ST7: variants seen among roughly 807,000 people sequenced by gnomAD.
The protein encoded by ST7 is suppressor of tumorigenicity 7 protein.
A neutral mutation model predicts 78.7 loss-of-function variants in ST7; 28 were observed. That is an observed-to-expected ratio of 0.36 (90% CI 0.26 to 0.49). ST7 has a LOEUF of 0.49. Among genes scored for constraint, ST7 ranks in the 20% least tolerant of loss-of-function variants. ST7 has a pLI of 0.99. For synonymous variants in ST7, 247 were observed against 249.6 expected, an observed-to-expected ratio of 0.99 and a Z score of 0.10; for missense variants, 418 against 696.0, an observed-to-expected ratio of 0.60 and a Z score of 4.49.
chr7:116,982,134 C>T (rs777262304), intron 1 of ST7, among the ~76,000 whole-genome samples: 4 of 152,222 alleles, frequency 2.6e-5, no homozygotes, highest in Non-Finnish European at 5.9e-5. Context: ...CTGTCATTGA[C>T]AGATATGTTG....
At chr7:117,188,728 C>A (rs1033241381) in intron 10 of ST7, among the ~76,000 whole-genome samples, 2 of 151,448 alleles carry the variant, frequency 1.3e-5, no homozygotes, top group Non-Finnish European at 1.5e-5. Flanking sequence ...CATACATATA[C>A]CCTTTAAAAG....
chr7:117,208,530 TCTC>T (rs905312194), intron 12 of ST7, among the ~76,000 whole-genome samples: 2 of 152,066 alleles, frequency 1.3e-5, no homozygotes, highest in African/African-American at 4.8e-5. Context: ...CTGCATGTGT[TCTC>T]CTGGCTCCTG....
intron 2 of ST7, among the ~76,000 whole-genome samples, chr7:117,113,605 C>T (rs1802614035): frequency 6.6e-6 from 1 of 152,086 alleles, no homozygotes; most frequent in East Asian, 1.9e-4. Flanking sequence ...TGTCTTCTTC[C>T]TCTTTAGAAT....
At chr7:117,144,918 G>T (rs1805630269) in intron 9 of ST7, among the ~76,000 whole-genome samples, 1 of 152,020 alleles carries the variant, frequency 6.6e-6, no homozygotes, top group Non-Finnish European at 1.5e-5. Context: ...GTAGAAAATG[G>T]CCAGGTATGG....
intron 1 of ST7, among the ~76,000 whole-genome samples, chr7:116,987,290 G>A (rs889199795): frequency 2.6e-5 from 4 of 152,128 alleles, no homozygotes; most frequent in African/African-American, 4.8e-5. Flanking sequence ...ACTGGGTTCT[G>A]GGTGAGTCCC....
intron 1 of ST7, among the ~76,000 whole-genome samples, chr7:117,004,339 T>G (rs1795069579): frequency 6.6e-6 from 1 of 152,216 alleles, no homozygotes; most frequent in South Asian, 2.1e-4. Flanking sequence ...CATTTCATCA[T>G]GGGTAAGTCT....
At chr7:117,103,928 A>G (rs1436195517) in intron 2 of ST7, among the ~76,000 whole-genome samples, 3 of 152,238 alleles carry the variant, frequency 2.0e-5, no homozygotes, top group African/African-American at 7.2e-5. Flanking sequence ...AAAATGGGCA[A>G]AGATCTGAAT....
At chr7:117,200,834 TAA>T (rs1196054887) in intron 12 of ST7, among the ~76,000 whole-genome samples, 374 of 144,440 alleles carry the variant, frequency 2.6e-3, no homozygotes, top group African/African-American at 9.0e-3. Flanking sequence ...TTTTTTTTTT[TAA>T]AAAAAAAAGA....
intron 1 of ST7, among the ~76,000 whole-genome samples, chr7:117,075,675 T>C (rs1799290545): frequency 6.6e-6 from 1 of 152,182 alleles, no homozygotes; most frequent in Non-Finnish European, 1.5e-5. Context: ...CATCCTGTCA[T>C]CTCCCTGCCT....
At chr7:117,030,286 A>G (rs1211137308) in intron 1 of ST7, among the ~76,000 whole-genome samples, 2 of 152,242 alleles carry the variant, frequency 1.3e-5, no homozygotes, top group Non-Finnish European at 2.9e-5. Flanking sequence ...TATATTACCC[A>G]CTGAATATAT....
At chr7:117,006,482 A>G (rs1795162727) in intron 1 of ST7, among the ~76,000 whole-genome samples, 1 of 152,190 alleles carries the variant, frequency 6.6e-6, no homozygotes, top group African/African-American at 2.4e-5. Flanking sequence ...CCTTCTTTAT[A>G]TTTTTATGTC....
At chr7:117,054,134 G>A (rs1363710963) in intron 1 of ST7, among the ~76,000 whole-genome samples, 5 of 152,128 alleles carry the variant, frequency 3.3e-5, no homozygotes, top group East Asian at 3.9e-4. Flanking sequence ...CACCGTGCCC[G>A]CCGGTCTAGA....
chr7:117,127,237 A>G (rs1448268231), intron 3 of ST7, among the ~76,000 whole-genome samples: 1 of 151,934 alleles, frequency 6.6e-6, no homozygotes, highest in Non-Finnish European at 1.5e-5. Context: ...CTTACCCTCT[A>G]GAGATCTAAG....
intron 1 of ST7, among the ~76,000 whole-genome samples, chr7:116,955,971 TAAAG>T (rs1242624839): frequency 2.6e-5 from 4 of 152,046 alleles, no homozygotes; most frequent in Admixed American, 1.3e-4. Flanking sequence ...ATTTCAGTCA[TAAAG>T]AAAGATAAAA....
At chr7:117,063,506 C>G (rs992181314) in intron 1 of ST7, among the ~76,000 whole-genome samples, 10 of 152,128 alleles carry the variant, frequency 6.6e-5, no homozygotes, top group African/African-American at 2.2e-4. Context: ...TCCAGGAGTT[C>G]AAGACGAGCC....
intron 1 of ST7, among the ~76,000 whole-genome samples, chr7:117,018,506 GT>G (rs1795724036): frequency 6.6e-6 from 1 of 151,718 alleles, no homozygotes; most frequent in Non-Finnish European, 1.5e-5. Context: ...CATGTTTTGA[GT>G]TGGTTTCTAT....
chr7:117,058,872 A>G (rs116318439), intron 1 of ST7, among the ~76,000 whole-genome samples: 2,445 of 152,330 alleles, frequency 0.016, 77 homozygotes, highest in African/African-American at 0.055. Flanking sequence ...ATAAAAAAGA[A>G]TGAGAGCCTG....
chr7:117,175,046 A>G (rs1413398496), intron 10 of ST7, among the ~76,000 whole-genome samples: 1 of 152,186 alleles, frequency 6.6e-6, no homozygotes, highest in East Asian at 1.9e-4. Flanking sequence ...TTCCTTTCTA[A>G]TCATTCTTTA....
In ST7 at chr7:117,092,979, G is replaced by C. The variant is rs557697562; in HGVS notation, c.152-6783G>C. On this transcript the variant is annotated intron_variant, in intron 1 of 15. Transcript: ENST00000323984. ...TTATGTCATAACCATAAAAAGACTT[G>C]AAGAAAAGGAATAAACAGGATCACA... 4.5e-4 allele frequency among the ~76,000 whole-genome samples: 68 copies of C among 152,330 alleles called. No individual in the cohort carries two copies. The South Asian group carries it at 5.6e-3, about 13-fold the overall frequency.
Sources: allele counts gnomAD v4.1 joint callset (sites outside exome capture counted in the v4.1 genomes callset), GRCh38; gene constraint gnomAD v4.1.1; transcripts MANE v1.5; gene names NCBI Gene and HGNC (gene_info 2026-07-23, HGNC 2026-07-21).